Variants in GRK3 observed in about 807,000 individuals in gnomAD.
The protein encoded by GRK3 is G protein-coupled receptor kinase 3, also known as adrenergic, beta, receptor kinase 2.
Under a neutral mutation model 95.7 loss-of-function variants are expected in GRK3, and 54 were observed. The observed-to-expected ratio is 0.56, with a 90% CI of 0.45 to 0.71. The LOEUF is 0.71. GRK3 is among the 30% of genes least tolerant of loss of function. The probability of loss-of-function intolerance (pLI) is 0.00; values close to 1 mark genes in which losing one functional copy is unlikely to be tolerated. For synonymous variants in GRK3, 281 were observed against 290.8 expected (o/e 0.97, Z 0.34); for missense variants, 649 against 851.2 (o/e 0.76, Z 2.96).
chr22:25,709,251 A>G (rs1343668362), intron 15 of GRK3, among the ~76,000 whole-genome samples: 1 of 151,772 alleles, frequency 6.6e-6, no homozygotes, highest in Admixed American at 6.6e-5. Context: ...GTTAGCCAGG[A>G]TGGTCTTGAT....
chr22:25,630,457 A>G (rs377320712), intron 2 of GRK3, among the ~76,000 whole-genome samples: 62 of 152,334 alleles, frequency 4.1e-4, no homozygotes, highest in African/African-American at 1.5e-3. Flanking sequence ...AAATGAAAAA[A>G]TTGAGTGCAA....
chr22:25,711,164 G>A lies in GRK3; in HGVS notation c.1491+1G>A. ...TGAAGAGGATACCAAAGGGATTAAG[G>A]TACACATGTGATCATTTATTTCTTT... On this transcript the variant is annotated splice_donor_variant, in intron 17 of 20. Coordinates refer to ENST00000324198, the MANE Select transcript of GRK3 (RefSeq NM_005160.4). LOFTEE classifies it high-confidence loss of function. The A allele has an allele frequency of 1.3e-6, 2 of 1,578,742 alleles. No individual in the cohort carries two copies. The highest frequency in any genetic ancestry group is 1.7e-6 in the Non-Finnish European group (2 of 1,154,906).
intron 2 of GRK3, among the ~76,000 whole-genome samples, chr22:25,643,973 T>G (rs1292254701): frequency 6.6e-6 from 1 of 151,994 alleles, no homozygotes; most frequent in Non-Finnish European, 1.5e-5. Context: ...TAGGCAAAGG[T>G]GTTTAAAGGT....
At chr22:25,648,782 T>A in intron 3 of GRK3, 1 of 1,171,300 alleles carries the variant, frequency 8.5e-7, no homozygotes, top group Non-Finnish European at 1.3e-6. Flanking sequence ...TGAACTATAT[T>A]CACCGAGATC....
chr22:25,700,880 G>A (rs972364841), intron 13 of GRK3, among the ~76,000 whole-genome samples: 3 of 152,166 alleles, frequency 2.0e-5, no homozygotes, highest in Non-Finnish European at 4.4e-5. Flanking sequence ...CACCGCGCCC[G>A]GCCTCTTTTG....
At chr22:25,653,222 A>C (rs896209804) in intron 3 of GRK3, among the ~76,000 whole-genome samples, 6 of 152,260 alleles carry the variant, frequency 3.9e-5, no homozygotes, top group African/African-American at 1.4e-4. Context: ...ATTTCATGTA[A>C]AGGATTAAAT....
intron 3 of GRK3, among the ~76,000 whole-genome samples, chr22:25,649,994 ATT>A (rs112952125): frequency 0.023 from 3,385 of 144,834 alleles, 60 homozygotes; most frequent in Middle Eastern, 0.069. Context: ...GGTTGCATTG[ATT>A]TTTTTTTTTT....
rs761857712 is a variant in GRK3 at position 25,725,517 on chromosome 22, C to T, written c.*3067C>T. The T allele has an allele frequency of 3.3e-4, 133 of 398,380 alleles. No individual in the cohort carries two copies. Among genetic ancestry groups the T allele is most frequent in the Non-Finnish European group, 5.3e-4 (119 of 226,050 alleles). The allele number at this position is 398,380 out of a possible 1,614,324, so 24.7% of individuals were successfully genotyped here. ...CATGTCATGGGGGCTCATTGGTTTTCCTTCTTTGTCATATTTAAGTATGAT... is the reference window on the plus strand; with the variant it reads ...CATGTCATGGGGGCTCATTGGTTTTTCTTCTTTGTCATATTTAAGTATGAT... On this transcript the variant is annotated 3_prime_UTR_variant, in exon 21 of 21. Coordinates refer to ENST00000324198, the MANE Select transcript of GRK3 (RefSeq NM_005160.4).
intron 1 of GRK3, among the ~76,000 whole-genome samples, chr22:25,601,413 A>G (rs529769674): frequency 4.6e-5 from 7 of 152,218 alleles, no homozygotes; most frequent in South Asian, 4.1e-4. Flanking sequence ...AATTACTCAT[A>G]GGTCAAGGAA....
intron 9 of GRK3, among the ~76,000 whole-genome samples, chr22:25,682,946 T>C (rs115534969): frequency 6.6e-6 from 1 of 152,362 alleles, no homozygotes; most frequent in African/African-American, 2.4e-5. Context: ...CTTCTCTCAC[T>C]CCATGTTGCT....
chr22:25,572,776 A>G (rs1260084852), intron 1 of GRK3, among the ~76,000 whole-genome samples: 1 of 152,238 alleles, frequency 6.6e-6, no homozygotes, highest in Non-Finnish European at 1.5e-5. Context: ...AATGAACCAA[A>G]AATCATGATC....
chr22:25,641,700 C>A (rs1056142146), intron 2 of GRK3, among the ~76,000 whole-genome samples: 2 of 152,170 alleles, frequency 1.3e-5, no homozygotes, highest in South Asian at 4.2e-4. Flanking sequence ...TTTAGAAGAT[C>A]CAGGAAAAGT....
chr22:25,646,726 A>T (rs946326288), intron 3 of GRK3, among the ~76,000 whole-genome samples: 4 of 152,268 alleles, frequency 2.6e-5, no homozygotes, highest in East Asian at 1.9e-4. Flanking sequence ...AATGATTTTT[A>T]AAAAAAGACA....
At position 25,624,380 on chromosome 22, in the gene GRK3, G is replaced by A. The variant is rs560942529; in HGVS notation, c.190+19927G>A. 1.0e-3 allele frequency among the ~76,000 whole-genome samples: 153 copies of A among 152,082 alleles called. 1 individual carries two copies. Among genetic ancestry groups the A allele is most frequent in the Non-Finnish European group, 1.9e-3 (131 of 67,982 alleles). On this transcript the variant is annotated intron_variant, in intron 2 of 20. Coordinates refer to ENST00000324198, the MANE Select transcript of GRK3 (RefSeq NM_005160.4). ...AGATCGAGACCATCCTGGCTAACAC[G>A]GTGAAACCCCCTCTCTACTAAAAAT...
chr22:25,680,410 T>A (rs1407804185), intron 9 of GRK3, among the ~76,000 whole-genome samples: 1 of 152,250 alleles, frequency 6.6e-6, no homozygotes, highest in East Asian at 1.9e-4. Flanking sequence ...ATGTGAGTAC[T>A]GGATGAAGAT....
intron 2 of GRK3, among the ~76,000 whole-genome samples, chr22:25,622,569 G>T (rs2084594755): frequency 6.6e-6 from 1 of 152,150 alleles, no homozygotes; most frequent in Non-Finnish European, 1.5e-5. Context: ...AAGAGGGGAG[G>T]CAGGGAACTG....
intron 15 of GRK3, 123 bp from the exon 16 acceptor site, chr22:25,709,775 C>T (rs1601543351): frequency 2.8e-6 from 2 of 706,416 alleles, no homozygotes; most frequent in East Asian, 5.1e-5. Context: ...TATTTGTTTG[C>T]TTTCTTAAAG....
intron 9 of GRK3, among the ~76,000 whole-genome samples, chr22:25,683,688 CTATT>C (rs1476116651): frequency 1.3e-5 from 2 of 152,028 alleles, no homozygotes; most frequent in Non-Finnish European, 2.9e-5. Context: ...CGTGAATTGC[CTATT>C]TTTTTTCCCC....
At chr22:25,572,553 G>A (rs1412937847) in intron 1 of GRK3, among the ~76,000 whole-genome samples, 1 of 152,118 alleles carries the variant, frequency 6.6e-6, no homozygotes, top group East Asian at 1.9e-4. Context: ...TCTAACTGGC[G>A]TGAGATGGTA....
Sources: allele counts gnomAD v4.1 joint callset (sites outside exome capture counted in the v4.1 genomes callset), GRCh38; gene constraint gnomAD v4.1.1; transcripts MANE v1.5; gene names NCBI Gene and HGNC (gene_info 2026-07-23, HGNC 2026-07-21).